SEPTIN9: variants seen among roughly 807,000 people sequenced by gnomAD.
The protein encoded by SEPTIN9 is septin 9.
SEPTIN9 carries 13 observed loss-of-function variants against 56.6 expected under a neutral mutation model. The ratio of observed to expected loss-of-function variants is 0.23; its 90% CI spans 0.15 to 0.37. The LOEUF (loss-of-function observed/expected upper bound fraction) is 0.37. Among genes scored for constraint, SEPTIN9 ranks in the 10% least tolerant of loss-of-function variants. The pLI is 1.00. For missense variants in SEPTIN9, 650 were observed against 823.1 expected (o/e 0.79, Z 2.57); for synonymous variants, 332 against 334.1 (o/e 0.99, Z 0.07).
intron 3 of SEPTIN9, among the ~76,000 whole-genome samples, chr17:77,417,624 T>C (rs1047189806): frequency 1.3e-5 from 2 of 152,224 alleles, no homozygotes; most frequent in Non-Finnish European, 2.9e-5. Context: ...ACTGAAGCTG[T>C]TGGAGAGTTC....
chr17:77,374,240 T>C, intron 2 of SEPTIN9: 1 of 152,852 alleles, frequency 6.5e-6, no homozygotes. Context: ...AGAAGGGGCC[T>C]GCGTGCGGGC....
At chr17:77,448,852 C>T (rs147254291) in intron 3 of SEPTIN9, among the ~76,000 whole-genome samples, 1,911 of 151,816 alleles carry the variant, frequency 0.013, 13 homozygotes, top group Middle Eastern at 0.02. Context: ...GGCACGATCT[C>T]GGCTCACTGC....
intron 2 of SEPTIN9, among the ~76,000 whole-genome samples, chr17:77,378,951 C>T (rs532152794): frequency 1.6e-4 from 24 of 152,108 alleles, no homozygotes; most frequent in Non-Finnish European, 3.4e-4. Context: ...ATGAGGACAG[C>T]GGGGGCGCTG....
chr17:77,374,452 G>C (rs1057044263), intron 2 of SEPTIN9: 1 of 152,286 alleles, frequency 6.6e-6, no homozygotes, highest in African/African-American at 2.4e-5. Context: ...CGAAGGGGAA[G>C]CTCACACAAT....
intron 4 of SEPTIN9, among the ~76,000 whole-genome samples, chr17:77,486,076 A>G (rs1487139343): frequency 6.6e-6 from 1 of 152,016 alleles, no homozygotes; most frequent in Non-Finnish European, 1.5e-5. Context: ...TCAGCCTCCC[A>G]AAGTGCTGGG....
At chr17:77,363,939 C>T (rs2034495449) in intron 2 of SEPTIN9, among the ~76,000 whole-genome samples, 1 of 152,004 alleles carries the variant, frequency 6.6e-6, no homozygotes, top group Non-Finnish European at 1.5e-5. Context: ...TGGCCAGGTC[C>T]CTTGGCTGGG....
At position 77,317,877 on chromosome 17, in the gene SEPTIN9, C is replaced by G. The variant is rs1297524727; in HGVS notation, c.76+10680C>G. Among the ~76,000 whole-genome samples the G allele has an allele frequency of 6.6e-6, 1 of 151,900 alleles. No individual in the cohort carries two copies. The highest frequency in any genetic ancestry group is 1.5e-5 in the Non-Finnish European group (1 of 67,962). Reference sequence around the variant, plus strand: ...ATCAGCCTGGCCAATATGGTGAAACCCCGTTTCTACTAAAAATACAAAAAT... The same window carrying G: ...ATCAGCCTGGCCAATATGGTGAAACGCCGTTTCTACTAAAAATACAAAAAT... On this transcript the variant is annotated intron_variant, in intron 2 of 11. Transcript: ENST00000427177. The surrounding 1 kb of genome is among the most constrained non-coding windows in gnomAD (Gnocchi z 4.2).
rs557920595 is a variant in SEPTIN9 at position 77,445,765 on chromosome 17, G to C, written c.722-36379G>C. ...TGGGACCTTGCTGTGGGATAGGCTG[G>C]CCAATGGTGCTCCCTCCCCTGTGAC... is the stretch of plus-strand genomic sequence containing the variant. On this transcript the variant is annotated intron_variant, in intron 3 of 11. Transcript: ENST00000427177. The surrounding 1 kb of genome is among the most constrained non-coding windows in gnomAD (Gnocchi z 4.7). 7.6e-6 allele frequency: 2 copies of C among 263,226 alleles called. No individual in the cohort carries two copies. The highest frequency in any genetic ancestry group is 1.6e-5 in the Non-Finnish European group (2 of 122,976). The allele number at this position is 263,226 out of a possible 1,614,324, so 16.3% of individuals were successfully genotyped here.
chr17:77,419,042 T>C (rs904180808), intron 3 of SEPTIN9, among the ~76,000 whole-genome samples: 1 of 152,202 alleles, frequency 6.6e-6, no homozygotes, highest in Non-Finnish European at 1.5e-5. Context: ...CCCTACAACC[T>C]GCTTCCTCTA....
chr17:77,418,006 G>A (rs1466258241), intron 3 of SEPTIN9, among the ~76,000 whole-genome samples: 1 of 152,154 alleles, frequency 6.6e-6, no homozygotes, highest in Non-Finnish European at 1.5e-5. Context: ...CACTGGGAGT[G>A]GGGGGCTCCT....
intron 3 of SEPTIN9, among the ~76,000 whole-genome samples, chr17:77,462,866 T>C (rs1164467501): frequency 1.3e-5 from 2 of 152,124 alleles, no homozygotes; most frequent in Non-Finnish European, 2.9e-5. Flanking sequence ...GTTCTTCAAC[T>C]CCTGACCTCA....
At chr17:77,490,548 T>TGGGACACACCCGTGTCC (rs1199530494) in intron 7 of SEPTIN9, among the ~76,000 whole-genome samples, 194 bp from the exon 8 acceptor site, 1 of 152,178 alleles carries the variant, frequency 6.6e-6, no homozygotes, top group Non-Finnish European at 1.5e-5. Flanking sequence ...CACCTGTGTC[T>TGGGACACACCCGTGTCC]GGGACACACC....
intron 3 of SEPTIN9, among the ~76,000 whole-genome samples, chr17:77,417,280 G>A (rs566743201): frequency 1.3e-5 from 2 of 152,224 alleles, no homozygotes; most frequent in African/African-American, 2.4e-5. Context: ...TGTGTGCCTT[G>A]TGTGTCTCCA....
chr17:77,412,673 C>G (rs1440993651), intron 3 of SEPTIN9, among the ~76,000 whole-genome samples: 1 of 151,910 alleles, frequency 6.6e-6, no homozygotes, highest in Admixed American at 6.6e-5. Flanking sequence ...CTGCTGTGAG[C>G]TGTGGTCATA....
At chr17:77,398,698 C>G (rs1598310104) in intron 2 of SEPTIN9, among the ~76,000 whole-genome samples, 1 of 152,222 alleles carries the variant, frequency 6.6e-6, no homozygotes, top group East Asian at 1.9e-4. Flanking sequence ...CACTGTTCTT[C>G]TAGCACACAG....
At chr17:77,408,098 C>G (rs562644876) in intron 3 of SEPTIN9, among the ~76,000 whole-genome samples, 1 of 152,262 alleles carries the variant, frequency 6.6e-6, no homozygotes, top group Admixed American at 6.5e-5. Flanking sequence ...GGGATGCTCA[C>G]TGGGGGCAAG....
chr17:77,466,565 G>T, intron 3 of SEPTIN9: 2 of 985,698 alleles, frequency 2.0e-6, no homozygotes, highest in South Asian at 4.7e-5. Context: ...CCCACAGTAG[G>T]TCAACCCCAG....
At chr17:77,343,015 A>ATCTATCTG (rs1568003910) in intron 2 of SEPTIN9, among the ~76,000 whole-genome samples, 1 of 145,316 alleles carries the variant, frequency 6.9e-6, no homozygotes, top group Non-Finnish European at 1.5e-5. Context: ...CTATCTATCT[A>ATCTATCTG]TCTATCTATC....
rs571466078 is a variant in SEPTIN9, at chr17:77,287,619, A to C, written c.19+6065A>C. ...GCATGGCACTCTCTGCTCCCAGCCC[A>C]GTTTCTCTCTGCTTTATCTCCCTGA... On this transcript the variant is annotated intron_variant, in intron 1 of 11. Transcript: ENST00000427177. 3.3e-5 allele frequency among the ~76,000 whole-genome samples: 5 copies of C among 152,274 alleles called. No individual in the cohort carries two copies. In the South Asian group the frequency reaches 1.0e-3, roughly 32 times the overall value.
Sources: allele counts gnomAD v4.1 joint callset (sites outside exome capture counted in the v4.1 genomes callset), GRCh38; gene constraint gnomAD v4.1.1; non-coding constraint Gnocchi (gnomAD v3.1); transcripts MANE v1.5; gene names NCBI Gene and HGNC (gene_info 2026-07-23, HGNC 2026-07-21).